The following SERPINI1 variants were observed in gnomAD, a reference collection of about 807,000 sequenced individuals.
SERPINI1 encodes the protein neuroserpin.
SERPINI1 carries 19 observed loss-of-function variants against 41.1 expected under a neutral mutation model. That is an observed-to-expected ratio of 0.46 (90% confidence interval 0.32 to 0.68). The LOEUF (loss-of-function observed/expected upper bound fraction) is 0.68, where lower values mean the gene tolerates loss of function less well. SERPINI1 is among the 30% of genes least tolerant of loss of function. The pLI is 0.03. For missense variants in SERPINI1, 460 were observed against 479.2 expected, an observed-to-expected ratio of 0.96 and a Z score of 0.37; for synonymous variants, 138 against 156.6, an observed-to-expected ratio of 0.88 and a Z score of 0.89.
intron 1 of SERPINI1, among the ~76,000 whole-genome samples, chr3:167,737,309 C>T (rs905092039): frequency 6.6e-6 from 1 of 151,902 alleles, no homozygotes. Flanking sequence ...TTTTAATTAC[C>T]CCTAAGCAAA....
At chr3:167,809,269 T>C (rs1306473382) in intron 6 of SERPINI1, among the ~76,000 whole-genome samples, 1 of 152,206 alleles carries the variant, frequency 6.6e-6, no homozygotes. Flanking sequence ...TCTTTAGGAA[T>C]TGAGAGAAAT....
At chr3:167,801,858 T>C (rs187350665) in intron 5 of SERPINI1, among the ~76,000 whole-genome samples, 1 of 152,320 alleles carries the variant, frequency 6.6e-6, no homozygotes, top group Non-Finnish European at 1.5e-5. Flanking sequence ...TATCTTCAAC[T>C]TTGAACAAGG....
chr3:167,775,081 G>T (rs1238301883), intron 1 of SERPINI1, among the ~76,000 whole-genome samples: 1 of 151,858 alleles, frequency 6.6e-6, no homozygotes, highest in African/African-American at 2.4e-5. Flanking sequence ...CATGTTTCCA[G>T]TTCTGACTGT....
chr3:167,809,179 A>T (rs1340569491), intron 6 of SERPINI1, among the ~76,000 whole-genome samples: 1 of 152,196 alleles, frequency 6.6e-6, no homozygotes, highest in Non-Finnish European at 1.5e-5. Flanking sequence ...GAGATTCAAA[A>T]TATAATGTGG....
chr3:167,784,327 C>T (rs1422884100), intron 1 of SERPINI1, among the ~76,000 whole-genome samples: 1 of 152,180 alleles, frequency 6.6e-6, no homozygotes, highest in Non-Finnish European at 1.5e-5. Context: ...ATTGTACACT[C>T]TTGCAAATAA....
intron 1 of SERPINI1, among the ~76,000 whole-genome samples, chr3:167,744,827 A>AATATATATATTATATATAACTATAGTT (rs1725812607): frequency 8.1e-6 from 1 of 123,342 alleles, no homozygotes; most frequent in East Asian, 2.1e-4. Context: ...TTATATATAT[A>AATATATATATTATATATAACTATAGTT]ATATATATAT....
At chr3:167,782,195 G>C (rs1384559516) in intron 1 of SERPINI1, among the ~76,000 whole-genome samples, 2 of 152,130 alleles carry the variant, frequency 1.3e-5, no homozygotes, top group Admixed American at 1.3e-4. Flanking sequence ...ATTTGAGAAT[G>C]TATTGATTAT....
At chr3:167,742,017 C>A (rs1725694154) in intron 1 of SERPINI1, among the ~76,000 whole-genome samples, 1 of 151,722 alleles carries the variant, frequency 6.6e-6, no homozygotes, top group African/African-American at 2.4e-5. Flanking sequence ...CTGATATGTT[C>A]TTTTAAAAAT....
chr3:167,772,864 C>CTCTCTCTCTCTCTCTCTCTCTA (rs1374013676), intron 1 of SERPINI1, among the ~76,000 whole-genome samples: 2 of 24,642 alleles, frequency 8.1e-5, no homozygotes, highest in East Asian at 3.4e-3. Context: ...CTCTCTCTCT[C>CTCTCTCTCTCTCTCTCTCTCTA]TATATATATA....
intron 1 of SERPINI1, among the ~76,000 whole-genome samples, chr3:167,757,014 C>T (rs1489413433): frequency 1.3e-5 from 2 of 152,144 alleles, no homozygotes; most frequent in African/African-American, 4.8e-5. Flanking sequence ...AAAACAGCTA[C>T]AAAGGATTTA....
At chr3:167,784,562 C>A (rs918947037) in intron 1 of SERPINI1, among the ~76,000 whole-genome samples, 3 of 152,090 alleles carry the variant, frequency 2.0e-5, no homozygotes, top group Admixed American at 6.5e-5. Flanking sequence ...CTAGGGAGGC[C>A]TCAGGAGACT....
intron 6 of SERPINI1, among the ~76,000 whole-genome samples, chr3:167,809,985 A>G (rs1171435237): frequency 6.6e-6 from 1 of 152,150 alleles, no homozygotes; most frequent in Non-Finnish European, 1.5e-5. Flanking sequence ...TTACATTATT[A>G]GTTTTGCCAG....
At chr3:167,743,432 C>A (rs536156356) in intron 1 of SERPINI1, among the ~76,000 whole-genome samples, 121 of 152,204 alleles carry the variant, frequency 7.9e-4, no homozygotes, top group Middle Eastern at 3.4e-3. Context: ...TAAATAAGTA[C>A]ATTAATTTTT....
intron 4 of SERPINI1, among the ~76,000 whole-genome samples, chr3:167,793,358 T>G (rs967163242): frequency 2.0e-5 from 3 of 152,094 alleles, no homozygotes; most frequent in Admixed American, 2.0e-4. Flanking sequence ...ATCCACTATA[T>G]TGACTTGTAA....
In SERPINI1 at chr3:167,773,330, A is replaced by T. The variant is rs576262569; in HGVS notation, c.-18-15781A>T. On this transcript the variant is annotated intron_variant, in intron 1 of 8. Coordinates refer to ENST00000446050, the MANE Select transcript of SERPINI1 (RefSeq NM_001122752.2). ...AACTTGGATTTGATTCAGAAAAATA[A>T]ATTAAATCCATTTCTCTCGAGATCT... Among the ~76,000 whole-genome samples the T allele has an allele frequency of 5.3e-5, 8 of 152,290 alleles. No individual in the cohort carries two copies. In the East Asian group the frequency reaches 1.5e-3, roughly 29 times the overall value.
intron 1 of SERPINI1, among the ~76,000 whole-genome samples, chr3:167,776,024 T>A (rs891295899): frequency 6.6e-6 from 1 of 152,202 alleles, no homozygotes; most frequent in Non-Finnish European, 1.5e-5. Flanking sequence ...TACCAGGTGT[T>A]TCCAGCATAA....
At position 167,789,364 on chromosome 3, in the gene SERPINI1, A is replaced by G. The variant is rs1727422704; in HGVS notation, c.236A>G (p.Asp79Gly). 1 of 1,614,088 alleles carries G rather than the reference A, an allele frequency of 6.2e-7. No individual in the cohort carries two copies. The highest frequency in any genetic ancestry group is 2.2e-5 in the East Asian group (1 of 44,874). The change falls in exon 2 of 9, where the codon GAC becomes GGC. Residue 79 changes from aspartate (D) to glycine (G), a missense_variant. Transcript: ENST00000446050. ...GAAATCCGCCACTCAATGGGATATGACAGCCTAAAAAATGGTAAGAGTGAT... is the reference window on the plus strand; with the variant it reads ...GAAATCCGCCACTCAATGGGATATGGCAGCCTAAAAAATGGTAAGAGTGAT... ...QKEIRHSMGY[D>G]SLKNGEEFSF...
chr3:167,779,619 T>C (rs1727058852), intron 1 of SERPINI1, among the ~76,000 whole-genome samples: 1 of 152,232 alleles, frequency 6.6e-6, no homozygotes, highest in Admixed American at 6.5e-5. Context: ...CTAGTTTTCA[T>C]TGAAGACATC....
At chr3:167,800,856 G>A (rs1209852633) in intron 5 of SERPINI1, among the ~76,000 whole-genome samples, 1 of 151,200 alleles carries the variant, frequency 6.6e-6, no homozygotes, top group Non-Finnish European at 1.5e-5. Context: ...ACCCAGGCTG[G>A]AATGCAATGG....
Sources: allele counts gnomAD v4.1 joint callset (sites outside exome capture counted in the v4.1 genomes callset), GRCh38; gene constraint gnomAD v4.1.1; transcripts MANE v1.5; gene names NCBI Gene and HGNC (gene_info 2026-07-23, HGNC 2026-07-21).